CNTN6: variants seen among roughly 807,000 people sequenced by gnomAD.
CNTN6 encodes the protein contactin 6.
CNTN6 carries 137 observed loss-of-function variants against 122.8 expected under a neutral mutation model. The observed-to-expected ratio is 1.12, with a 90% CI of 0.97 to 1.29. The LOEUF (loss-of-function observed/expected upper bound fraction) is 1.29, where lower values mean the gene tolerates loss of function less well. Ranked by LOEUF, CNTN6 falls within the 50% of genes most tolerant of loss-of-function variation. The pLI, the probability that CNTN6 is intolerant of heterozygous loss-of-function variation, is 0.00. For synonymous variants in CNTN6, 570 were observed against 426.0 expected (o/e 1.34, Z -4.16); for missense variants, 1,634 against 1,223.4 (o/e 1.34, Z -5.01).
intron 5 of CNTN6, among the ~76,000 whole-genome samples, chr3:1,289,385 C>T (rs1205208635): frequency 1.3e-5 from 2 of 152,112 alleles, no homozygotes; most frequent in Admixed American, 1.3e-4. Flanking sequence ...ATTCAGAGGG[C>T]ACAAAAGGGC....
At chr3:1,199,698 A>G (rs995853897) in intron 2 of CNTN6, among the ~76,000 whole-genome samples, 49 of 152,238 alleles carry the variant, frequency 3.2e-4, no homozygotes, top group African/African-American at 1.1e-3. Context: ...ACGGGAGGAG[A>G]TAAGAAGCAC....
intron 12 of CNTN6, among the ~76,000 whole-genome samples, chr3:1,370,964 A>G (rs538772545): frequency 1.8e-4 from 28 of 152,276 alleles, no homozygotes; most frequent in African/African-American, 6.0e-4. Context: ...GATTTTCTCT[A>G]TTATATTCAT....
At chr3:1,344,872 C>G (rs3821426) in intron 11 of CNTN6, among the ~76,000 whole-genome samples, 31,625 of 152,094 alleles carry the variant, frequency 0.21, 4,008 homozygotes, top group Non-Finnish European at 0.28. Flanking sequence ...AAAGTGTGAT[C>G]TACGTTACTT....
At chr3:1,175,336 A>T (rs1192053514) in intron 2 of CNTN6, among the ~76,000 whole-genome samples, 1 of 150,394 alleles carries the variant, frequency 6.6e-6, no homozygotes, top group Non-Finnish European at 1.5e-5. Flanking sequence ...TCTAACTAAA[A>T]TGTGAATAAA....
intron 6 of CNTN6, 116 bp from the exon 7 acceptor site, chr3:1,297,773 C>A (rs1025712566): frequency 1.0e-5 from 8 of 797,212 alleles, no homozygotes; most frequent in Non-Finnish European, 1.6e-5. Context: ...CAATTCTTAA[C>A]TGAAAACCCT....
intron 1 of CNTN6, among the ~76,000 whole-genome samples, chr3:1,116,799 G>A (rs533344038): frequency 6.7e-6 from 1 of 148,996 alleles, no homozygotes; most frequent in South Asian, 2.1e-4. Flanking sequence ...CTGCTTCCCA[G>A]GTTCAAGCGA....
intron 2 of CNTN6, among the ~76,000 whole-genome samples, chr3:1,203,414 G>A (rs548543785): frequency 6.6e-6 from 1 of 152,224 alleles, no homozygotes; most frequent in Admixed American, 6.5e-5. Context: ...TTTCACAAAG[G>A]GCAAATCTTT....
intron 11 of CNTN6, among the ~76,000 whole-genome samples, chr3:1,344,796 ATTTTT>A (rs1704418635): frequency 6.6e-6 from 1 of 152,136 alleles, no homozygotes; most frequent in African/African-American, 2.4e-5. Flanking sequence ...ATTTTCCTGA[ATTTTT>A]TGATATGTGT....
chr3:1,295,868 G>C (rs112264816), intron 6 of CNTN6, 64 bp downstream of exon 6: 1 of 1,445,526 alleles, frequency 6.9e-7, no homozygotes, highest in Non-Finnish European at 9.6e-7. Context: ...GGGAAGATTC[G>C]TAAAGCTTTC....
At chr3:1,350,235 G>T (rs191580708) in intron 11 of CNTN6, among the ~76,000 whole-genome samples, 24 of 151,788 alleles carry the variant, frequency 1.6e-4, no homozygotes, top group Admixed American at 1.5e-3. Flanking sequence ...TTAGGTCTGG[G>T]ATAAGACCAC....
At chr3:1,368,516 T>C (rs1459715919) in intron 12 of CNTN6, among the ~76,000 whole-genome samples, 2 of 152,200 alleles carry the variant, frequency 1.3e-5, no homozygotes, top group African/African-American at 2.4e-5. Flanking sequence ...CAGAGAAAGA[T>C]ACTTTGCAAA....
intron 6 of CNTN6, among the ~76,000 whole-genome samples, 186 bp downstream of exon 6, chr3:1,295,990 C>G (rs1021522155): frequency 1.3e-5 from 2 of 152,176 alleles, no homozygotes; most frequent in Non-Finnish European, 2.9e-5. Flanking sequence ...GTGCAGTAGA[C>G]ATGGTTCTGG....
At chr3:1,179,970 A>G (rs567614318) in intron 2 of CNTN6, among the ~76,000 whole-genome samples, 1 of 152,316 alleles carries the variant, frequency 6.6e-6, no homozygotes, top group South Asian at 2.1e-4. Context: ...CCATAGGCAC[A>G]TATCTTTTTT....
At chr3:1,196,058 T>A (rs1559492796) in intron 2 of CNTN6, among the ~76,000 whole-genome samples, 1 of 152,226 alleles carries the variant, frequency 6.6e-6, no homozygotes, top group Non-Finnish European at 1.5e-5. Flanking sequence ...CATCTCATTA[T>A]TGTTAATGCA....
intron 7 of CNTN6, among the ~76,000 whole-genome samples, chr3:1,308,459 A>G (rs780194478): frequency 2.7e-4 from 41 of 152,050 alleles, no homozygotes; most frequent in Non-Finnish European, 5.6e-4. Flanking sequence ...TCAGAAACCA[A>G]TATCTGGGTA....
intron 2 of CNTN6, among the ~76,000 whole-genome samples, chr3:1,175,638 G>C (rs1198901118): frequency 1.3e-5 from 2 of 152,206 alleles, no homozygotes; most frequent in Non-Finnish European, 2.9e-5. Context: ...GAGGGCAGTA[G>C]AGCAGGAGAG....
intron 1 of CNTN6, among the ~76,000 whole-genome samples, chr3:1,121,247 A>C (rs1250567178): frequency 7.3e-6 from 1 of 137,830 alleles, no homozygotes; most frequent in Admixed American, 7.4e-5. Flanking sequence ...AGAGTTAAAC[A>C]AATTGACAGG....
intron 2 of CNTN6, among the ~76,000 whole-genome samples, chr3:1,174,198 G>A (rs955478014): frequency 3.3e-5 from 5 of 152,024 alleles, no homozygotes; most frequent in African/African-American, 9.7e-5. Context: ...CAATACATTC[G>A]CTTTTACAGA....
At chr3:1,171,427 G>A (rs1180933975) in intron 2 of CNTN6, among the ~76,000 whole-genome samples, 1 of 152,176 alleles carries the variant, frequency 6.6e-6, no homozygotes, top group Non-Finnish European at 1.5e-5. Flanking sequence ...CTGCTGAGCA[G>A]ATAACTAATC....
Sources: allele counts gnomAD v4.1 joint callset (sites outside exome capture counted in the v4.1 genomes callset), GRCh38; gene constraint gnomAD v4.1.1; transcripts MANE v1.5; gene names NCBI Gene and HGNC (gene_info 2026-07-23, HGNC 2026-07-21).